PPARGC1A: variants seen among roughly 807,000 people sequenced by gnomAD.
PPARGC1A encodes peroxisome proliferator-activated receptor gamma coactivator 1-alpha.
A neutral mutation model predicts 88.7 loss-of-function variants in PPARGC1A; 25 were observed. That is an observed-to-expected ratio of 0.28 (90% CI 0.21 to 0.39). The LOEUF (loss-of-function observed/expected upper bound fraction) is 0.39, where lower values mean the gene tolerates loss of function less well. PPARGC1A is among the 10% of genes least tolerant of loss of function. The pLI, the probability that PPARGC1A is intolerant of heterozygous loss-of-function variation, is 1.00. For missense variants in PPARGC1A, 880 were observed against 968.7 expected (o/e 0.91, Z 1.22); for synonymous variants, 363 against 355.6 (o/e 1.02, Z -0.24).
At chr4:24,059,462 G>A in the PPARGC1A span, among the ~76,000 whole-genome samples, 2 of 152,194 alleles carry the variant, frequency 1.3e-5, no homozygotes, top group Non-Finnish European at 2.9e-5. Context: ...CTCTAAAGAA[G>A]TGAGCGCTTT....
At chr4:24,280,763 C>A in the PPARGC1A span, among the ~76,000 whole-genome samples, 1 of 152,160 alleles carries the variant, frequency 6.6e-6, no homozygotes, top group African/African-American at 2.4e-5. Flanking sequence ...TCCATTTGAT[C>A]CCCAAGTTTT....
the PPARGC1A span, among the ~76,000 whole-genome samples, chr4:24,019,276 T>C: frequency 6.6e-6 from 1 of 152,184 alleles, no homozygotes; most frequent in Non-Finnish European, 1.5e-5. Flanking sequence ...GCAATAATAA[T>C]AGAAATAATT....
At chr4:23,981,671 C>T in the PPARGC1A span, among the ~76,000 whole-genome samples, 1 of 152,318 alleles carries the variant, frequency 6.6e-6, no homozygotes. Flanking sequence ...CCCCCTAATA[C>T]AGCAGAAATG....
chr4:24,217,710 G>A, the PPARGC1A span, among the ~76,000 whole-genome samples: 1 of 152,170 alleles, frequency 6.6e-6, no homozygotes, highest in African/African-American at 2.4e-5. Context: ...GGCTGAGGCA[G>A]GAGAATCACT....
intron 10 of PPARGC1A, among the ~76,000 whole-genome samples, chr4:23,812,378 C>T (rs1201382836): frequency 6.6e-6 from 1 of 152,128 alleles, no homozygotes; most frequent in African/African-American, 2.4e-5. Context: ...AATCCCTCCT[C>T]ATTTTCCGCT....
chr4:24,224,572 G>A, the PPARGC1A span, among the ~76,000 whole-genome samples: 3 of 152,268 alleles, frequency 2.0e-5, no homozygotes, highest in East Asian at 5.8e-4. Context: ...TATTTACTGA[G>A]CATGTCTTAT....
chr4:24,340,733 A>G, the PPARGC1A span, among the ~76,000 whole-genome samples: 1 of 152,058 alleles, frequency 6.6e-6, no homozygotes, highest in Non-Finnish European at 1.5e-5. Context: ...TTTCAAAAAG[A>G]TGGGAACGCA....
the PPARGC1A span, among the ~76,000 whole-genome samples, chr4:24,372,862 C>T: frequency 4.9e-3 from 740 of 152,284 alleles, 6 homozygotes; most frequent in African/African-American, 0.017. Context: ...TTACTACTTC[C>T]TTCCTACAAC....
the PPARGC1A span, among the ~76,000 whole-genome samples, chr4:24,051,206 A>AAC: frequency 1.3e-5 from 2 of 150,874 alleles, no homozygotes; most frequent in Non-Finnish European, 3.0e-5. Flanking sequence ...AAAAAAAAAA[A>AAC]AAAAAACCAA....
chr4:23,829,511 G>A lies in PPARGC1A; in HGVS notation c.504C>T (p.Asn168=), dbSNP rs769230116. Residue 168 remains asparagine (N), a synonymous_variant, in exon 4 of 13, where the codon AAC becomes AAT. Transcript: ENST00000264867. Reference sequence around the variant, plus strand: ...TGATCCTGTGATTGTGATTTGCATGGTTCTGGGTACTGAGACCACTGCATT... The same window carrying A: ...TGATCCTGTGATTGTGATTTGCATGATTCTGGGTACTGAGACCACTGCATT... The part of the protein sequence containing the change: ...YNECSGLSTQ[N]HANHNHRIRT... 1 of 1,613,762 alleles carries A rather than the reference G, an allele frequency of 6.2e-7. No individual in the cohort carries two copies. The highest frequency in any genetic ancestry group is 8.5e-7 in the Non-Finnish European group (1 of 1,179,672).
intron 2 of PPARGC1A, among the ~76,000 whole-genome samples, chr4:23,854,722 T>A (rs1560450389): frequency 6.6e-6 from 1 of 152,180 alleles, no homozygotes; most frequent in East Asian, 1.9e-4. Context: ...GCTGTGTATT[T>A]CCTGAGGTTG....
chr4:23,967,781 T>C, the PPARGC1A span, among the ~76,000 whole-genome samples: 74 of 152,292 alleles, frequency 4.9e-4, no homozygotes, highest in East Asian at 0.014. Context: ...ACTCTGTCTC[T>C]GCTCTCCTGG....
At chr4:24,345,408 AT>A in the PPARGC1A span, among the ~76,000 whole-genome samples, 1 of 151,862 alleles carries the variant, frequency 6.6e-6, no homozygotes, top group Non-Finnish European at 1.5e-5. Flanking sequence ...ATGTGTTCCT[AT>A]TTGTTTGTGT....
chr4:23,922,905 G>A, the PPARGC1A span, among the ~76,000 whole-genome samples: 3 of 152,112 alleles, frequency 2.0e-5, no homozygotes, highest in South Asian at 6.2e-4. Flanking sequence ...TCAACTGGGG[G>A]CCACTGCAAT....
the PPARGC1A span, among the ~76,000 whole-genome samples, chr4:23,983,090 A>C: frequency 2.5e-3 from 380 of 152,232 alleles, 3 homozygotes; most frequent in African/African-American, 8.5e-3. Context: ...TACAGAAAAA[A>C]AGTTTAACTG....
At chr4:23,829,649 A>G in intron 3 of PPARGC1A, 64 bp from the exon 4 acceptor site, 1 of 1,451,486 alleles carries the variant, frequency 6.9e-7, no homozygotes, top group Non-Finnish European at 9.3e-7. Flanking sequence ...GCATTGGAAT[A>G]AGTTATTGAA....
At chr4:24,143,435 A>C in the PPARGC1A span, among the ~76,000 whole-genome samples, 1 of 152,242 alleles carries the variant, frequency 6.6e-6, no homozygotes, top group Non-Finnish European at 1.5e-5. Context: ...TGGTAAGGGA[A>C]GGTCTCCCTG....
chr4:24,128,550 G>GTGTC, the PPARGC1A span, among the ~76,000 whole-genome samples: 4 of 149,466 alleles, frequency 2.7e-5, no homozygotes, highest in African/African-American at 1.0e-4. Context: ...GTGTGTGTGT[G>GTGTC]TGTGTGTGTG....
chr4:24,300,084 A>G, the PPARGC1A span, among the ~76,000 whole-genome samples: 1 of 152,312 alleles, frequency 6.6e-6, no homozygotes, highest in Non-Finnish European at 1.5e-5. Flanking sequence ...AGGTCTGATT[A>G]GGTGGGAACA....
Sources: allele counts gnomAD v4.1 joint callset (sites outside exome capture counted in the v4.1 genomes callset), GRCh38; gene constraint gnomAD v4.1.1; transcripts MANE v1.5; gene names NCBI Gene and HGNC (gene_info 2026-07-23, HGNC 2026-07-21).